Variants in MED13L observed in about 807,000 individuals in gnomAD.
The protein encoded by MED13L is mediator of RNA polymerase II transcription subunit 13-like.
A neutral mutation model predicts 220.9 loss-of-function variants in MED13L; 7 were observed. That is an observed-to-expected ratio of 0.03 (90% CI 0.02 to 0.06). The LOEUF is 0.06. MED13L is among the 10% of genes least tolerant of loss of function. The pLI is 1.00. For synonymous variants in MED13L, 1,011 were observed against 1,015.2 expected, an observed-to-expected ratio of 1.00 and a Z score of 0.08; for missense variants, 1,965 against 2,760.5, an observed-to-expected ratio of 0.71 and a Z score of 6.46.
At chr12:116,126,046 A>G (rs1036168650) in intron 2 of MED13L, among the ~76,000 whole-genome samples, 1 of 152,236 alleles carries the variant, frequency 6.6e-6, no homozygotes, top group African/African-American at 2.4e-5. Context: ...GTTTCTCAAA[A>G]CTTTTAAGTT....
intron 4 of MED13L, among the ~76,000 whole-genome samples, chr12:116,053,687 GGGCAAAGTCATACT>G (rs1474453474): frequency 6.6e-6 from 1 of 152,102 alleles, no homozygotes; most frequent in Non-Finnish European, 1.5e-5. Context: ...AACTTGGAAG[GGGCAAAGTCATACT>G]TTAGATCTGA....
chr12:116,075,840 T>C (rs1228469581), intron 4 of MED13L, among the ~76,000 whole-genome samples: 2 of 152,168 alleles, frequency 1.3e-5, no homozygotes, highest in Non-Finnish European at 2.9e-5. Flanking sequence ...GTTTCAGGTG[T>C]TTCTCAATTG....
At chr12:116,059,899 T>C (rs1169913011) in intron 4 of MED13L, among the ~76,000 whole-genome samples, 1 of 152,172 alleles carries the variant, frequency 6.6e-6, no homozygotes, top group Non-Finnish European at 1.5e-5. Context: ...ATTATTTAAA[T>C]CTGATGTATA....
intron 3 of MED13L, among the ~76,000 whole-genome samples, chr12:116,101,094 G>A (rs1249256933): frequency 2.0e-5 from 3 of 152,026 alleles, no homozygotes; most frequent in Non-Finnish European, 4.4e-5. Context: ...ACCCTGCTTT[G>A]GCCAGAAATC....
In MED13L at chr12:116,233,297, T is replaced by C. The variant is rs74453960; in HGVS notation, c.310+4171A>G. Among the ~76,000 whole-genome samples, 1,286 of 152,316 alleles carry C rather than the reference T, an allele frequency of 8.4e-3. 8 individuals carry two copies. Among genetic ancestry groups the C allele is most frequent in the Non-Finnish European group, 0.014 (939 of 68,024 alleles). ...TATTTTTAATTTAAATACATCTGTATCCTGAACAGAATATTTAAGTTTATA... is the reference window on the plus strand; with the variant it reads ...TATTTTTAATTTAAATACATCTGTACCCTGAACAGAATATTTAAGTTTATA... On this transcript the variant is annotated intron_variant, in intron 2 of 30. Transcript: ENST00000281928.
chr12:116,063,373 C>G (rs1177577486), intron 4 of MED13L, among the ~76,000 whole-genome samples: 1 of 152,114 alleles, frequency 6.6e-6, no homozygotes, highest in Non-Finnish European at 1.5e-5. Context: ...AAATAATTAG[C>G]TGGGCATAGT....
chr12:116,067,516 A>T (rs1870038825), intron 4 of MED13L, among the ~76,000 whole-genome samples: 1 of 152,238 alleles, frequency 6.6e-6, no homozygotes, highest in South Asian at 2.1e-4. Context: ...AATGCTACTG[A>T]AAAGTAGATG....
chr12:115,979,065 C>G (rs1203323433), intron 23 of MED13L, among the ~76,000 whole-genome samples: 2 of 152,182 alleles, frequency 1.3e-5, no homozygotes, highest in Non-Finnish European at 2.9e-5. Flanking sequence ...ACACAATGTT[C>G]TCGCTGCAGA....
chr12:116,215,620 A>G (rs1162989370), intron 2 of MED13L, among the ~76,000 whole-genome samples: 4 of 151,926 alleles, frequency 2.6e-5, no homozygotes, highest in South Asian at 2.1e-4. Context: ...TAATTGTTCA[A>G]TGTATGTCTA....
chr12:115,998,032 G>A (rs2137335036), intron 14 of MED13L, among the ~76,000 whole-genome samples: 1 of 152,228 alleles, frequency 6.6e-6, no homozygotes. Context: ...CTCTTTTGGG[G>A]AAACAGTTCC....
intron 27 of MED13L, 60 bp downstream of exon 27, chr12:115,970,534 C>A (rs1034841573): frequency 6.4e-7 from 1 of 1,561,030 alleles, no homozygotes; most frequent in South Asian, 1.1e-5. Flanking sequence ...CCCAGTGATT[C>A]CATACTCCGG....
intron 2 of MED13L, among the ~76,000 whole-genome samples, chr12:116,153,001 C>G (rs928018703): frequency 6.6e-6 from 1 of 151,472 alleles, no homozygotes; most frequent in Non-Finnish European, 1.5e-5. Flanking sequence ...CCAGGTAGAA[C>G]ACGCCCAGGT....
At chr12:116,074,250 C>A (rs1870608267) in intron 4 of MED13L, among the ~76,000 whole-genome samples, 1 of 152,042 alleles carries the variant, frequency 6.6e-6, no homozygotes, top group Admixed American at 6.5e-5. Context: ...CAAAAAGTAG[C>A]CGGGGGTGGT....
chr12:116,274,035 CAGA>C (rs1317692280), intron 1 of MED13L, among the ~76,000 whole-genome samples: 2 of 152,088 alleles, frequency 1.3e-5, no homozygotes, highest in Non-Finnish European at 2.9e-5. Context: ...AGTTTTGAGT[CAGA>C]AAGGCACAGG....
chr12:116,102,369 GCT>G (rs1488847995), intron 3 of MED13L, among the ~76,000 whole-genome samples: 9 of 152,194 alleles, frequency 5.9e-5, no homozygotes, highest in Non-Finnish European at 1.3e-4. Context: ...CCCATCACTA[GCT>G]CTGTTCTTTT....
At chr12:116,061,051 G>T (rs1869432097) in intron 4 of MED13L, among the ~76,000 whole-genome samples, 1 of 152,112 alleles carries the variant, frequency 6.6e-6, no homozygotes, top group Non-Finnish European at 1.5e-5. Flanking sequence ...TAAACAAGCT[G>T]ATCATTAAGT....
chr12:116,152,742 A>G (rs1357479949), intron 2 of MED13L, among the ~76,000 whole-genome samples: 1 of 152,154 alleles, frequency 6.6e-6, no homozygotes, highest in African/African-American at 2.4e-5. Context: ...AAATGCCCTT[A>G]TTTTTTAAAA....
chr12:116,242,173 T>C (rs1870721997), intron 1 of MED13L, among the ~76,000 whole-genome samples: 1 of 151,470 alleles, frequency 6.6e-6, no homozygotes, highest in East Asian at 1.9e-4. Flanking sequence ...GCCTCCCAAG[T>C]AGGTGGGATT....
chr12:116,137,852 A>ATTTTTT (rs5801166), intron 2 of MED13L, among the ~76,000 whole-genome samples: 1 of 118,456 alleles, frequency 8.4e-6, no homozygotes. Flanking sequence ...TAATGAGGTA[A>ATTTTTT]TTTTTTTTTT....
Sources: gnomAD v4.1 joint callset for allele counts (sites outside exome capture counted in the v4.1 genomes callset) on GRCh38, gnomAD v4.1.1 for gene constraint, MANE v1.5 for transcripts, NCBI Gene and HGNC (gene_info 2026-07-23, HGNC 2026-07-21) for gene names.